Variants in PSD3 observed in about 807,000 individuals in gnomAD.
PSD3 encodes PH and SEC7 domain-containing protein 3.
PSD3 carries 49 observed loss-of-function variants against 105.5 expected under a neutral mutation model. The ratio of observed to expected loss-of-function variants is 0.46; its 90% CI spans 0.37 to 0.59. PSD3 has a LOEUF of 0.59. Ranked by LOEUF, PSD3 falls within the 20% of genes least tolerant of loss-of-function variation. PSD3 has a pLI of 0.00. For missense variants in PSD3, 1,561 were observed against 1,263.8 expected (o/e 1.24, Z -3.57); for synonymous variants, 557 against 457.8 (o/e 1.22, Z -2.77).
At chr8:18,835,892 T>A (rs1339249425) in intron 4 of PSD3, among the ~76,000 whole-genome samples, 2 of 150,780 alleles carry the variant, frequency 1.3e-5, no homozygotes, top group African/African-American at 4.9e-5. Flanking sequence ...GGGGGGCGGA[T>A]CGTGTAGGGA....
intron 11 of PSD3, among the ~76,000 whole-genome samples, chr8:18,615,396 G>A (rs1005911919): frequency 1.3e-5 from 2 of 152,158 alleles, no homozygotes; most frequent in African/African-American, 4.8e-5. Flanking sequence ...AGGGCCACGG[G>A]CATCAGGGAT....
intron 1 of PSD3, among the ~76,000 whole-genome samples, chr8:18,976,624 G>T (rs1473040210): frequency 6.6e-6 from 1 of 152,128 alleles, no homozygotes. Context: ...GTAAAACAGG[G>T]ATAATAACAA....
At chr8:18,978,801 A>G (rs1383597002) in intron 1 of PSD3, among the ~76,000 whole-genome samples, 3 of 152,120 alleles carry the variant, frequency 2.0e-5, no homozygotes, top group South Asian at 2.1e-4. Flanking sequence ...CTGTCTCTCA[A>G]TCCCTCTCAA....
intron 10 of PSD3, among the ~76,000 whole-genome samples, chr8:18,643,562 C>G (rs35229445): frequency 0.12 from 19,000 of 152,200 alleles, 1,382 homozygotes; most frequent in Middle Eastern, 0.29. Flanking sequence ...GTGAGACAGA[C>G]ATAGATGCTC....
At position 18,683,175 on chromosome 8, in the gene PSD3, AG is replaced by A. The variant is rs67469744; in HGVS notation, c.2173-27491del. The stretch of plus-strand genomic sequence containing the variant: ...TCTTCAAGACAGCTGCAAAAACACG[AG>A]TGGTTTCATGGCAGCATAGCATCAG... On this transcript the variant is annotated intron_variant, in intron 9 of 15. Coordinates refer to ENST00000327040, the MANE Select transcript of PSD3 (RefSeq NM_015310.4). 5.3e-3 allele frequency among the ~76,000 whole-genome samples: 813 copies of A among 152,332 alleles called. 3 individuals carry two copies. Among genetic ancestry groups the A allele is most frequent in the Non-Finnish European group, 9.0e-3 (609 of 68,038 alleles).
chr8:18,928,741 T>C (rs1022526082), intron 2 of PSD3, among the ~76,000 whole-genome samples: 4 of 151,914 alleles, frequency 2.6e-5, no homozygotes, highest in African/African-American at 4.8e-5. Flanking sequence ...TCTTTCTTTC[T>C]TTCCTTCCTT....
At position 18,995,824 on chromosome 8, in the gene PSD3, G is replaced by A. The variant is rs145241790; in HGVS notation, c.21+17739C>T. On this transcript the variant is annotated intron_variant, in intron 1 of 15. Transcript: ENST00000327040. ...TATTCACCATCAATAGAAACAGCAG[G>A]GAAAAACCCACCCCCATGATTCAAT... Among the ~76,000 whole-genome samples, 340 of 151,806 alleles carry A rather than the reference G, an allele frequency of 2.2e-3. 2 individuals carry two copies. Among genetic ancestry groups the A allele is most frequent in the African/African-American group, 7.9e-3 (329 of 41,428 alleles).
At chr8:18,661,397 A>G (rs1809338286) in intron 9 of PSD3, among the ~76,000 whole-genome samples, 1 of 152,264 alleles carries the variant, frequency 6.6e-6, no homozygotes. Flanking sequence ...CCACTCTGGC[A>G]GTGTTATCAG....
At chr8:18,971,814 G>T (rs952438412) in intron 1 of PSD3, among the ~76,000 whole-genome samples, 4 of 152,036 alleles carry the variant, frequency 2.6e-5, no homozygotes, top group Admixed American at 2.6e-4. Context: ...AGATCGGCCT[G>T]GCCAACACAG....
chr8:18,673,395 G>A (rs1184352450), intron 9 of PSD3, among the ~76,000 whole-genome samples: 1 of 152,016 alleles, frequency 6.6e-6, no homozygotes, highest in African/African-American at 2.4e-5. Context: ...TGATTTCCCT[G>A]GAGTTAATCA....
intron 1 of PSD3, among the ~76,000 whole-genome samples, chr8:18,991,150 G>A (rs545282566): frequency 1.3e-5 from 2 of 152,212 alleles, no homozygotes; most frequent in South Asian, 2.1e-4. Flanking sequence ...CTCATCCCGC[G>A]TGGAGATTAG....
intron 9 of PSD3, among the ~76,000 whole-genome samples, chr8:18,735,096 G>C (rs1804049099): frequency 6.6e-6 from 1 of 152,136 alleles, no homozygotes; most frequent in African/African-American, 2.4e-5. Flanking sequence ...ACTAGGGTCT[G>C]TTGATTAATC....
intron 10 of PSD3, among the ~76,000 whole-genome samples, chr8:18,650,450 G>A (rs777649934): frequency 1.3e-5 from 2 of 152,180 alleles, no homozygotes; most frequent in African/African-American, 2.4e-5. Flanking sequence ...CACTAATAAT[G>A]AACAATTGAG....
intron 2 of PSD3, among the ~76,000 whole-genome samples, chr8:18,912,699 C>A (rs1820311091): frequency 1.3e-5 from 2 of 152,182 alleles, no homozygotes; most frequent in Admixed American, 6.5e-5. Flanking sequence ...GACCAGAACC[C>A]TCCTCCTCTT....
chr8:19,076,471 G>A (rs377559998), intron 1 of PSD3, among the ~76,000 whole-genome samples: 9 of 152,196 alleles, frequency 5.9e-5, no homozygotes, highest in African/African-American at 2.2e-4. Flanking sequence ...ACTAGTGGGA[G>A]AGATGCAAAT....
intron 14 of PSD3, among the ~76,000 whole-genome samples, chr8:18,566,107 C>G (rs1801729725): frequency 1.3e-5 from 2 of 152,072 alleles, no homozygotes; most frequent in Admixed American, 6.6e-5. Context: ...ATAGATATCC[C>G]CAAGAGCCTC....
chr8:18,632,508 G>T, intron 11 of PSD3, 105 bp downstream of exon 11: 1 of 1,273,010 alleles, frequency 7.9e-7, no homozygotes, highest in Non-Finnish European at 1.1e-6. Context: ...TGTGTCTATA[G>T]ATAAACATAA....
At chr8:19,006,025 G>C (rs1451048112) in intron 1 of PSD3, among the ~76,000 whole-genome samples, 3 of 151,896 alleles carry the variant, frequency 2.0e-5, no homozygotes, top group Non-Finnish European at 4.4e-5. Context: ...AGGATATATA[G>C]GCCAGGTGCG....
intron 15 of PSD3, among the ~76,000 whole-genome samples, chr8:18,538,871 G>GTGCA (rs1799982880): frequency 6.6e-6 from 1 of 152,200 alleles, no homozygotes; most frequent in Admixed American, 6.5e-5. Context: ...AGGTGTGGCA[G>GTGCA]TGCATGAGTC....
Sources: gnomAD v4.1 joint callset for allele counts (sites outside exome capture counted in the v4.1 genomes callset) on GRCh38, gnomAD v4.1.1 for gene constraint, MANE v1.5 for transcripts, NCBI Gene and HGNC (gene_info 2026-07-23, HGNC 2026-07-21) for gene names.